LRPPRC: variants seen among roughly 807,000 people sequenced by gnomAD.
LRPPRC encodes the protein leucine-rich PPR motif-containing protein, mitochondrial.
Under a neutral mutation model 180.3 loss-of-function variants are expected in LRPPRC, and 120 were observed. That is an observed-to-expected ratio of 0.67 (90% CI 0.57 to 0.77). The LOEUF is 0.77. LRPPRC is among the 30% of genes least tolerant of loss of function. The probability of loss-of-function intolerance (pLI) is 0.00; values close to 1 mark genes in which losing one functional copy is unlikely to be tolerated. For synonymous variants in LRPPRC, 723 were observed against 600.0 expected, an observed-to-expected ratio of 1.21 and a Z score of -3.00; for missense variants, 2,012 against 1,657.2, an observed-to-expected ratio of 1.21 and a Z score of -3.72.
At chr2:43,941,418 T>G (rs567873119) in intron 23 of LRPPRC, among the ~76,000 whole-genome samples, 1 of 152,200 alleles carries the variant, frequency 6.6e-6, no homozygotes, top group East Asian at 1.9e-4. Context: ...TTCAAAATGT[T>G]TTTTATACTT....
intron 11 of LRPPRC, among the ~76,000 whole-genome samples, chr2:43,968,761 T>C (rs777282138): frequency 6.6e-6 from 1 of 152,222 alleles, no homozygotes; most frequent in African/African-American, 2.4e-5. Context: ...ACGAACTTTC[T>C]GTTAATAAGA....
chr2:43,964,372 T>G (rs1415827023), intron 11 of LRPPRC, among the ~76,000 whole-genome samples: 1 of 152,202 alleles, frequency 6.6e-6, no homozygotes, highest in Non-Finnish European at 1.5e-5. Context: ...CAGTTAATTC[T>G]AGACAACTGT....
chr2:43,969,735 G>A (rs7562003), intron 11 of LRPPRC, among the ~76,000 whole-genome samples: 1 of 151,960 alleles, frequency 6.6e-6, no homozygotes, highest in Non-Finnish European at 1.5e-5. Flanking sequence ...ACTTTGTCAC[G>A]CAGGCTAGAC....
chr2:43,972,218 C>G (rs1210730787), intron 11 of LRPPRC, among the ~76,000 whole-genome samples: 1 of 152,176 alleles, frequency 6.6e-6, no homozygotes, highest in African/African-American at 2.4e-5. Flanking sequence ...GTGTGGCCCT[C>G]AGTTCCTTCA....
intron 14 of LRPPRC, among the ~76,000 whole-genome samples, chr2:43,956,865 G>A (rs552913165): frequency 1.3e-5 from 2 of 152,224 alleles, no homozygotes; most frequent in South Asian, 2.1e-4. Context: ...ATTGCAGCCT[G>A]GGCGACAGAG....
intron 11 of LRPPRC, among the ~76,000 whole-genome samples, chr2:43,971,861 C>T (rs1248110251): frequency 6.6e-6 from 1 of 152,104 alleles, no homozygotes; most frequent in Non-Finnish European, 1.5e-5. Flanking sequence ...GGACCTACTG[C>T]AAAGAAGAAT....
chr2:43,984,385 C>T (rs777850223), intron 1 of LRPPRC, among the ~76,000 whole-genome samples: 7 of 152,088 alleles, frequency 4.6e-5, no homozygotes, highest in Non-Finnish European at 7.4e-5. Context: ...TAAGAGAAGA[C>T]CAACTCAAAT....
At chr2:43,947,412 G>T (rs755236062) in intron 19 of LRPPRC, 42 bp from the exon 20 acceptor site, 1 of 977,314 alleles carries the variant, frequency 1.0e-6, no homozygotes, top group Non-Finnish European at 1.6e-6. Context: ...CCTGAAAAAG[G>T]AAATATAGTA....
intron 13 of LRPPRC, among the ~76,000 whole-genome samples, chr2:43,959,717 T>C (rs1673260473): frequency 6.6e-6 from 1 of 152,056 alleles, no homozygotes; most frequent in African/African-American, 2.4e-5. Context: ...ACTCTGTCTC[T>C]ACTAAAAATA....
At chr2:43,894,491 T>G (rs1670610250) in intron 36 of LRPPRC, 54 bp downstream of exon 36, 2 of 895,040 alleles carry the variant, frequency 2.2e-6, no homozygotes, top group South Asian at 2.7e-5. Flanking sequence ...ATATAGTCAC[T>G]TAAATAATAA....
chr2:43,987,036 T>G (rs915226105), intron 1 of LRPPRC, among the ~76,000 whole-genome samples: 2 of 152,234 alleles, frequency 1.3e-5, no homozygotes, highest in Non-Finnish European at 2.9e-5. Flanking sequence ...TTCTTTAGCC[T>G]GTTGATACGC....
Position 43,948,484 on chromosome 2 carries a change from G to A in LRPPRC, c.1770C>T (p.Asp590=). 6.2e-7 allele frequency: 1 copy of A among 1,610,062 alleles called. No homozygotes were observed. The highest frequency in any genetic ancestry group is 8.5e-7 in the Non-Finnish European group (1 of 1,176,376). The stretch of plus-strand genomic sequence containing the variant: ...CCTGTACCTCTGAGTCACTCATGCT[G>A]TCAATCAAGTTATAAAGAAAATAGC... ...AVGYFLYNLI[D]SMSDSEVQAK... is the part of the protein sequence containing the mutation. Residue 590 remains aspartate (D), a synonymous_variant, in exon 17 of 38, where the codon GAC becomes GAT. Coordinates refer to ENST00000260665, the MANE Select transcript of LRPPRC (RefSeq NM_133259.4).
intron 1 of LRPPRC, among the ~76,000 whole-genome samples, chr2:43,987,491 C>CAAAA (rs34151335): frequency 0.027 from 2,030 of 75,772 alleles, 71 homozygotes; most frequent in Non-Finnish European, 0.038. Context: ...CCAGACTCCT[C>CAAAA]AAAAAAAAAA....
Position 43,945,528 on chromosome 2 carries a change from G to A in LRPPRC, c.2211-111C>T, listed in dbSNP as rs192108332. ...AGCTCATCAGAAGACCTGAACTAAT[G>A]TTGGCCTCTACGCTTCAGTTAGGAT... On this transcript the variant is annotated intron_variant, in intron 21 of 37. Coordinates refer to ENST00000260665, the MANE Select transcript of LRPPRC (RefSeq NM_133259.4). 3.7e-3 allele frequency: 2,682 copies of A among 726,900 alleles called. 36 individuals are homozygous for A. Among genetic ancestry groups the A allele is most frequent in the Non-Finnish European group, 1.9e-3 (746 of 399,264 alleles). 45.0% of individuals were successfully genotyped at this position (726,900 alleles called of 1,614,324 possible).
At position 43,886,367 on chromosome 2, in the gene LRPPRC, G is replaced by A. The variant is rs565623607; in HGVS notation, c.*2233C>T. On this transcript the variant is annotated 3_prime_UTR_variant, in exon 38 of 38. Coordinates refer to ENST00000260665, the MANE Select transcript of LRPPRC (RefSeq NM_133259.4). ...TTTTAGAATTAGCTGCTTATAATTT[G>A]AGTGTAAATGTATTACAGAAAGCTG... 6.6e-6 allele frequency: 1 copy of A among 152,074 alleles called. No homozygotes were observed. The highest frequency in any genetic ancestry group is 1.5e-5 in the Non-Finnish European group (1 of 68,018). The allele number at this position is 152,074 out of a possible 1,614,324, so 9.4% of individuals were successfully genotyped here. A position where few individuals can be genotyped will look rare whatever the true frequency, so the allele number is the denominator to read the frequency against.
At chr2:43,986,908 A>G (rs1458439445) in intron 1 of LRPPRC, among the ~76,000 whole-genome samples, 1 of 152,234 alleles carries the variant, frequency 6.6e-6, no homozygotes, top group Non-Finnish European at 1.5e-5. Context: ...GTACAAAACT[A>G]GTTTTCATAG....
chr2:43,960,421 G>T lies in LRPPRC; in HGVS notation c.1582+120C>A, dbSNP rs527922924. ...GTTCAACTCATAAACCGTTTTATCA[G>T]TCTGGCTTTAACAAAACATATAAAC... On this transcript the variant is annotated intron_variant, in intron 13 of 37. Coordinates refer to ENST00000260665, the MANE Select transcript of LRPPRC (RefSeq NM_133259.4). 1.1e-4 allele frequency: 82 copies of T among 720,106 alleles called. No homozygotes were observed. In the African/African-American group the frequency reaches 1.3e-3, roughly 12 times the overall value. The allele number at this position is 720,106 out of a possible 1,614,324, so 44.6% of individuals were successfully genotyped here.
In LRPPRC at chr2:43,923,873, A is replaced by C. The variant is rs1671784426; in HGVS notation, c.2896+1194T>G. On this transcript the variant is annotated intron_variant, in intron 27 of 37. Coordinates refer to ENST00000260665, the MANE Select transcript of LRPPRC (RefSeq NM_133259.4). ...GAAAAAGTAGGTAGAGTGGAATGTTAGTGCTCAAACACAGATTATAATTTG... is the reference window on the plus strand; with the variant it reads ...GAAAAAGTAGGTAGAGTGGAATGTTCGTGCTCAAACACAGATTATAATTTG... 2.0e-5 allele frequency among the ~76,000 whole-genome samples: 3 copies of C among 152,198 alleles called. 1 individual carries two copies. The South Asian group carries it at 6.2e-4, about 32-fold the overall frequency.
At chr2:43,918,896 A>G (rs1468047622) in intron 27 of LRPPRC, among the ~76,000 whole-genome samples, 1 of 150,568 alleles carries the variant, frequency 6.6e-6, no homozygotes, top group East Asian at 1.9e-4. Context: ...ATATGCCACC[A>G]TATACATACA....
Sources: allele counts gnomAD v4.1 joint callset (sites outside exome capture counted in the v4.1 genomes callset), GRCh38; gene constraint gnomAD v4.1.1; transcripts MANE v1.5; gene names NCBI Gene and HGNC (gene_info 2026-07-23, HGNC 2026-07-21).